DLC1: variants seen among roughly 807,000 people sequenced by gnomAD.
DLC1 encodes rho GTPase-activating protein 7.
A neutral mutation model predicts 140.3 loss-of-function variants in DLC1; 54 were observed. The observed-to-expected ratio is 0.38, with a 90% confidence interval of 0.31 to 0.48. The LOEUF (loss-of-function observed/expected upper bound fraction) is 0.48. DLC1 is among the 20% of genes least tolerant of loss of function. The probability of loss-of-function intolerance (pLI) is 0.96; values close to 1 mark genes in which losing one functional copy is unlikely to be tolerated. For synonymous variants in DLC1, 986 were observed against 728.1 expected (o/e 1.35, Z -5.70); for missense variants, 2,536 against 1,907.0 (o/e 1.33, Z -6.14).
At chr8:13,322,504 A>C (rs1043254046) in intron 4 of DLC1, among the ~76,000 whole-genome samples, 1 of 150,326 alleles carries the variant, frequency 6.7e-6, no homozygotes, top group Non-Finnish European at 1.5e-5. Context: ...ACATAATTCA[A>C]CTCAGCTGAG....
intron 5 of DLC1, among the ~76,000 whole-genome samples, chr8:13,116,514 C>A (rs1033799583): frequency 2.0e-5 from 3 of 152,178 alleles, no homozygotes; most frequent in African/African-American, 7.2e-5. Context: ...CTCAGTTACA[C>A]AAGTCTGTTC....
At chr8:13,434,067 G>T (rs1400530231) in intron 2 of DLC1, among the ~76,000 whole-genome samples, 1 of 152,134 alleles carries the variant, frequency 6.6e-6, no homozygotes, top group South Asian at 2.1e-4. Flanking sequence ...AATTGAGATG[G>T]AGTTTCACCA....
At chr8:13,293,559 C>A (rs985953738) in intron 5 of DLC1, among the ~76,000 whole-genome samples, 1 of 152,192 alleles carries the variant, frequency 6.6e-6, no homozygotes, top group African/African-American at 2.4e-5. Flanking sequence ...ATTTCTTGAG[C>A]ACCTCCTCTG....
chr8:13,104,175 G>A (rs778386466), intron 7 of DLC1, among the ~76,000 whole-genome samples: 3 of 151,904 alleles, frequency 2.0e-5, no homozygotes, highest in Non-Finnish European at 4.4e-5. Flanking sequence ...AAGAATTTGC[G>A]TACTGTAACT....
Position 13,099,787 on chromosome 8 carries a change from G to A in DLC1, c.2550C>T (p.Ser850=). 4 of 1,614,142 alleles carry A rather than the reference G, an allele frequency of 2.5e-6. No homozygotes were observed. Among genetic ancestry groups the A allele is most frequent in the Non-Finnish European group, 3.4e-6 (4 of 1,180,042 alleles). Residue 850 remains serine, a synonymous_variant, in exon 9 of 18, where the codon AGC becomes AGT. Coordinates refer to ENST00000276297, the MANE Select transcript of DLC1 (RefSeq NM_182643.3). The part of the protein sequence containing the change: ...TGSFHGPGHI[S]LRRENSSDSP... ...TGTCGCTACTGTTTTCCCTCCTGAGGCTGATGTGGCCAGGGCCGTGGAAGC... is the reference window on the plus strand; with the variant it reads ...TGTCGCTACTGTTTTCCCTCCTGAGACTGATGTGGCCAGGGCCGTGGAAGC...
chr8:13,598,544 A>G (rs1387043049), intron 1 of DLC1, among the ~76,000 whole-genome samples: 1 of 152,094 alleles, frequency 6.6e-6, no homozygotes, highest in Non-Finnish European at 1.5e-5. Flanking sequence ...TATTACTCTT[A>G]TGATCTTGAA....
chr8:13,219,001 T>C (rs1347209753), intron 5 of DLC1, among the ~76,000 whole-genome samples: 1 of 117,824 alleles, frequency 8.5e-6, no homozygotes, highest in Non-Finnish European at 1.6e-5. Context: ...TATATACGAA[T>C]ATAATTATAT....
chr8:13,579,985 T>C (rs1036244937), intron 1 of DLC1, among the ~76,000 whole-genome samples: 4 of 152,144 alleles, frequency 2.6e-5, no homozygotes, highest in Admixed American at 6.5e-5. Context: ...TCATGGACTA[T>C]GCTGGGCTCC....
intron 4 of DLC1, among the ~76,000 whole-genome samples, chr8:13,322,477 A>T (rs1833163247): frequency 1.3e-5 from 1 of 78,672 alleles, no homozygotes; most frequent in African/African-American, 3.9e-5. Flanking sequence ...TGGATTTCAT[A>T]TACATCTGAC....
At chr8:13,147,631 G>C (rs1318613664) in intron 5 of DLC1, among the ~76,000 whole-genome samples, 3 of 152,128 alleles carry the variant, frequency 2.0e-5, no homozygotes, top group African/African-American at 7.2e-5. Context: ...CTCTGAGCTT[G>C]AGAGTGTGGG....
chr8:13,319,819 C>CTTTTTTTTTTTTTTT lies in DLC1; in HGVS notation c.1315-14518_1315-14517insAAAAAAAAAAAAAAA, dbSNP rs547737556. Among the ~76,000 whole-genome samples, 50 of 76,156 alleles carry CTTTTTTTTTTTTTTT rather than the reference C, an allele frequency of 6.6e-4. 7 individuals are homozygous for CTTTTTTTTTTTTTTT. The highest frequency in any genetic ancestry group is 1.1e-3 in the South Asian group (2 of 1,840). The allele number at this position is 76,156 out of a possible 152,430, so 50.0% of individuals were successfully genotyped here. On this transcript the variant is annotated intron_variant, in intron 4 of 17. Coordinates refer to ENST00000276297, the MANE Select transcript of DLC1 (RefSeq NM_182643.3). ...CCAACCATTGTTTAATTCTCTCTCT[C>CTTTTTTTTTTTTTTT]TCTTTTTTTTTTTTTTTTTTTGAGA...
chr8:13,511,633 G>A (rs546855014), intron 1 of DLC1, among the ~76,000 whole-genome samples: 24 of 152,204 alleles, frequency 1.6e-4, no homozygotes, highest in African/African-American at 2.2e-4. Context: ...CTTATCTTTC[G>A]TGTGGGGAAA....
At chr8:13,380,085 C>T (rs7002601) in intron 4 of DLC1, among the ~76,000 whole-genome samples, 8,728 of 152,150 alleles carry the variant, frequency 0.057, 844 homozygotes, top group African/African-American at 0.2. Flanking sequence ...ATTGGATCTC[C>T]TCCTCACCAC....
At chr8:13,271,710 G>C (rs1464699289) in intron 5 of DLC1, among the ~76,000 whole-genome samples, 3 of 152,100 alleles carry the variant, frequency 2.0e-5, no homozygotes, top group Non-Finnish European at 4.4e-5. Flanking sequence ...TAGAAGATGA[G>C]GTCTTGCTAT....
At chr8:13,173,190 G>T (rs907518613) in intron 5 of DLC1, among the ~76,000 whole-genome samples, 7 of 152,060 alleles carry the variant, frequency 4.6e-5, no homozygotes, top group African/African-American at 1.7e-4. Context: ...TGAGAGGTTT[G>T]GCTTCTTGCA....
intron 5 of DLC1, among the ~76,000 whole-genome samples, chr8:13,131,789 AC>A (rs1822116380): frequency 6.6e-6 from 1 of 152,184 alleles, no homozygotes; most frequent in Non-Finnish European, 1.5e-5. Flanking sequence ...AGGTCCTGTC[AC>A]TGCCCAAGTT....
At chr8:13,316,087 G>A (rs892050183) in intron 4 of DLC1, among the ~76,000 whole-genome samples, 5 of 152,180 alleles carry the variant, frequency 3.3e-5, no homozygotes, top group South Asian at 4.1e-4. Flanking sequence ...CGCAGGTTGC[G>A]CACTGGCTTA....
Position 13,086,372 on chromosome 8 carries a change from T to A in DLC1, c.4384A>T (p.Asn1462Tyr). The change falls in exon 17 of 18, where the codon AAT becomes TAT. Residue 1462 changes from asparagine to tyrosine, a missense_variant. Physicochemically the swap from Asn to Tyr is moderately radical, Grantham distance 143. Transcript: ENST00000276297. ...DRAPVVGVRV[N>Y]VLLSRYLIEP... ...ATCAAATACCTGGACAAGAGCACATTAACCCTCACACCCACCACAGGTGCG... is the reference window on the plus strand; with the variant it reads ...ATCAAATACCTGGACAAGAGCACATAAACCCTCACACCCACCACAGGTGCG... 1 of 1,614,216 alleles carries A rather than the reference T, an allele frequency of 6.2e-7. No individual in the cohort carries two copies. Among genetic ancestry groups the A allele is most frequent in the South Asian group, 1.1e-5 (1 of 91,090 alleles).
At position 13,406,185 on chromosome 8, in the gene DLC1, T is replaced by G. The variant is rs551261841; in HGVS notation, c.1024-4566A>C. ...CCATCCCCAGCTAATTTTTGTGTTT[T>G]TTTTTTTTTTTTTCAGTGGAGACAG... On this transcript the variant is annotated intron_variant, in intron 2 of 17. Coordinates refer to ENST00000276297, the MANE Select transcript of DLC1 (RefSeq NM_182643.3). Among the ~76,000 whole-genome samples the G allele has an allele frequency of 2.0e-3, 263 of 129,434 alleles. 6 individuals carry two copies. Among genetic ancestry groups the G allele is most frequent in the Admixed American group, 3.3e-3 (39 of 11,806 alleles). 84.9% of individuals were successfully genotyped at this position (129,434 alleles called of 152,430 possible).
Sources: gnomAD v4.1 joint callset for allele counts (sites outside exome capture counted in the v4.1 genomes callset) on GRCh38, gnomAD v4.1.1 for gene constraint, MANE v1.5 for transcripts, NCBI Gene and HGNC (gene_info 2026-07-23, HGNC 2026-07-21) for gene names.